Variants in MKLN1 observed in about 807,000 individuals in gnomAD.
MKLN1 encodes the protein muskelin 1.
A neutral mutation model predicts 99.0 loss-of-function variants in MKLN1; 18 were observed. The observed-to-expected ratio is 0.18, with a 90% confidence interval of 0.13 to 0.27. The LOEUF (loss-of-function observed/expected upper bound fraction) is 0.27. Ranked by LOEUF, MKLN1 falls within the 10% of genes least tolerant of loss-of-function variation. The pLI is 1.00. For missense variants in MKLN1, 621 were observed against 875.9 expected (o/e 0.71, Z 3.67); for synonymous variants, 288 against 293.2 (o/e 0.98, Z 0.18).
chr7:131,282,506 AC>A (rs10715970), intron 3 of MKLN1, among the ~76,000 whole-genome samples: 152,331 of 152,332 alleles, frequency 1, 76,165 homozygotes, highest in Middle Eastern at 1. Context: ...AATGAATGTT[AC>A]CAGATGATTA....
rs1159885528 is a variant in MKLN1 at position 131,487,198 on chromosome 7, A to G, written c.2087-409A>G. On this transcript the variant is annotated intron_variant, in intron 17 of 17. Transcript: ENST00000352689. The surrounding 1 kb of genome is among the most constrained non-coding windows in gnomAD (Gnocchi z 4.7). ...AAAACTTTTTTAGTGGTTCAGAAGC[A>G]TTAACAAGTCAGAAAAGACAAGTGG... 2.0e-5 allele frequency among the ~76,000 whole-genome samples: 3 copies of G among 152,180 alleles called. No homozygotes were observed. The highest frequency in any genetic ancestry group is 7.2e-5 in the African/African-American group (3 of 41,442).
At chr7:131,280,550 T>G (rs1474714277) in intron 3 of MKLN1, among the ~76,000 whole-genome samples, 2 of 152,254 alleles carry the variant, frequency 1.3e-5, no homozygotes, top group Non-Finnish European at 2.9e-5. Context: ...GAATGACGAA[T>G]AATGTTAAGT....
At chr7:131,414,479 C>G (rs1794960188) in intron 7 of MKLN1, among the ~76,000 whole-genome samples, 166 bp from the exon 8 acceptor site, 1 of 152,044 alleles carries the variant, frequency 6.6e-6, no homozygotes, top group Non-Finnish European at 1.5e-5. Flanking sequence ...ATTATAAACA[C>G]AGATTTGAGT....
chr7:131,378,092 G>T (rs558766259), intron 2 of MKLN1, among the ~76,000 whole-genome samples: 1 of 152,084 alleles, frequency 6.6e-6, no homozygotes, highest in Admixed American at 6.5e-5. Context: ...GATGGAATGG[G>T]TATAGTTTTA....
At chr7:131,171,005 A>G (rs1323719464) in intron 2 of MKLN1, among the ~76,000 whole-genome samples, 2 of 152,242 alleles carry the variant, frequency 1.3e-5, no homozygotes, top group Non-Finnish European at 1.5e-5. Flanking sequence ...AGATCAAGAT[A>G]ACATTCCTCC....
chr7:131,326,876 G>A (rs1798902255), upstream of MKLN1: 1 of 152,214 alleles, frequency 6.6e-6, no homozygotes, highest in African/African-American at 2.4e-5. Flanking sequence ...ACACTGTCCA[G>A]GCTTTCAGGA....
chr7:131,415,801 A>G (rs1021264779), intron 8 of MKLN1, among the ~76,000 whole-genome samples: 1 of 152,190 alleles, frequency 6.6e-6, no homozygotes, highest in Admixed American at 6.5e-5. Context: ...CTGGTTTTTT[A>G]TCCAGAATAA....
Position 131,489,666 on chromosome 7 carries a change from G to C in MKLN1, c.*1938G>C, listed in dbSNP as rs939808016. The C allele has an allele frequency of 1.1e-4, 16 of 152,134 alleles. 1 individual carries two copies. The highest frequency in any genetic ancestry group is 3.9e-4 in the African/African-American group (16 of 41,444). The allele number at this position is 152,134 out of a possible 1,614,324, so 9.4% of individuals were successfully genotyped here. ...CTGGCACTTTAAAAAGATTAAGCAA[G>C]TGAAATTCTGCTGCCCTCCACCATT... On this transcript the variant is annotated 3_prime_UTR_variant, in exon 18 of 18. Transcript: ENST00000352689.
intron 3 of MKLN1, among the ~76,000 whole-genome samples, chr7:131,283,793 A>T (rs1308411079): frequency 2.0e-5 from 3 of 152,142 alleles, no homozygotes; most frequent in Admixed American, 2.0e-4. Context: ...GAAGACTGTG[A>T]GTGTCCTTCC....
At chr7:131,217,069 T>C (rs1796993582) in intron 3 of MKLN1, among the ~76,000 whole-genome samples, 1 of 152,236 alleles carries the variant, frequency 6.6e-6, no homozygotes, top group Admixed American at 6.5e-5. Context: ...GAATTGTCGA[T>C]GGCATTTCAT....
At chr7:131,445,432 GCTCT>G (rs887580770) in intron 11 of MKLN1, among the ~76,000 whole-genome samples, 1 of 151,906 alleles carries the variant, frequency 6.6e-6, no homozygotes, top group Non-Finnish European at 1.5e-5. Flanking sequence ...TCGCTTGCGT[GCTCT>G]CTCTCTCACT....
At chr7:131,327,128 G>A (rs1029812720), upstream of MKLN1, 1 of 152,168 alleles carries the variant, frequency 6.6e-6, no homozygotes, top group African/African-American at 2.4e-5. Context: ...CTCTCTCTCT[G>A]AACTTTTAGG....
chr7:131,420,561 A>C (rs1346863334), intron 8 of MKLN1, among the ~76,000 whole-genome samples: 1 of 152,250 alleles, frequency 6.6e-6, no homozygotes, highest in Non-Finnish European at 1.5e-5. Context: ...ACATCTACAT[A>C]GGTATGTCAA....
chr7:131,473,349 A>C (rs1343423404), intron 16 of MKLN1, among the ~76,000 whole-genome samples: 1 of 152,198 alleles, frequency 6.6e-6, no homozygotes, highest in Admixed American at 6.5e-5. Context: ...CTCAAAACAC[A>C]AAAAGTGTTT....
intron 12 of MKLN1, among the ~76,000 whole-genome samples, chr7:131,461,556 A>C (rs921840375): frequency 6.6e-6 from 1 of 152,202 alleles, no homozygotes. Context: ...GTAAAAGGAC[A>C]TGAATTTAAG....
intron 12 of MKLN1, among the ~76,000 whole-genome samples, chr7:131,455,047 G>A (rs1796293202): frequency 6.6e-6 from 1 of 152,188 alleles, no homozygotes; most frequent in South Asian, 2.1e-4. Flanking sequence ...CTAACAAATA[G>A]TGAATTTGTG....
At chr7:131,223,248 C>G (rs1731840695) in intron 3 of MKLN1, among the ~76,000 whole-genome samples, 1 of 152,146 alleles carries the variant, frequency 6.6e-6, no homozygotes, top group African/African-American at 2.4e-5. Flanking sequence ...AGTCAGGCAA[C>G]CAGTTCAGAG....
At chr7:131,252,930 C>A (rs1797604963) in intron 3 of MKLN1, among the ~76,000 whole-genome samples, 1 of 152,008 alleles carries the variant, frequency 6.6e-6, no homozygotes, top group South Asian at 2.1e-4. Context: ...ATTTTTCAAC[C>A]AACCTTGGAT....
At chr7:131,383,647 G>A (rs1793916656) in intron 2 of MKLN1, among the ~76,000 whole-genome samples, 1 of 152,072 alleles carries the variant, frequency 6.6e-6, no homozygotes, top group Non-Finnish European at 1.5e-5. Context: ...TGTACTTCCT[G>A]TTTCTTTGCC....
Sources: allele counts gnomAD v4.1 joint callset (sites outside exome capture counted in the v4.1 genomes callset), GRCh38; gene constraint gnomAD v4.1.1; non-coding constraint Gnocchi (gnomAD v3.1); transcripts MANE v1.5; gene names NCBI Gene and HGNC (gene_info 2026-07-23, HGNC 2026-07-21).